Variants in C8A observed in about 807,000 individuals in gnomAD.
C8A encodes complement component C8 alpha chain.
A neutral mutation model predicts 65.3 loss-of-function variants in C8A; 67 were observed. The observed-to-expected ratio is 1.03, with a 90% CI of 0.84 to 1.26. The LOEUF (loss-of-function observed/expected upper bound fraction) is 1.26, where lower values mean the gene tolerates loss of function less well. Among genes scored for constraint, C8A ranks in the 50% most tolerant of loss-of-function variants. The probability of loss-of-function intolerance (pLI) is 0.00; values close to 1 mark genes in which losing one functional copy is unlikely to be tolerated. For synonymous variants in C8A, 290 were observed against 259.4 expected (o/e 1.12, Z -1.13); for missense variants, 781 against 723.9 (o/e 1.08, Z -0.90).
intron 4 of C8A, 32 bp downstream of exon 4, chr1:56,876,241 A>C (rs1294444036): frequency 1.2e-6 from 2 of 1,613,262 alleles, no homozygotes; most frequent in Non-Finnish European, 1.7e-6. Context: ...ATTTAGGAGC[A>C]GGGAATGATT....
chr1:56,864,892 C>G (rs1644069878), intron 1 of C8A, among the ~76,000 whole-genome samples: 1 of 152,080 alleles, frequency 6.6e-6, no homozygotes, highest in South Asian at 2.1e-4. Context: ...ATTATTTTCC[C>G]CTTTTACTGT....
chr1:56,868,873 T>A (rs928733605), intron 2 of C8A, among the ~76,000 whole-genome samples: 7 of 152,304 alleles, frequency 4.6e-5, no homozygotes, highest in Middle Eastern at 3.4e-3. Context: ...TCTTTGTGCC[T>A]CAGTTTCATT....
intron 2 of C8A, 114 bp downstream of exon 2, chr1:56,867,816 A>G: frequency 1.3e-6 from 1 of 789,552 alleles, no homozygotes; most frequent in Non-Finnish European, 2.2e-6. Flanking sequence ...AATTGGGTCT[A>G]GAAATTGTTG....
At chr1:56,897,274 G>T (rs1644393817) in intron 7 of C8A, among the ~76,000 whole-genome samples, 1 of 152,170 alleles carries the variant, frequency 6.6e-6, no homozygotes, top group Admixed American at 6.6e-5. Context: ...AAACTGAAAA[G>T]CATGAGATTG....
chr1:56,869,045 G>A (rs1042530903), intron 2 of C8A, among the ~76,000 whole-genome samples: 2 of 152,090 alleles, frequency 1.3e-5, no homozygotes, highest in African/African-American at 2.4e-5. Context: ...TTTCAATAGT[G>A]TTTGGGAAAC....
intron 9 of C8A, among the ~76,000 whole-genome samples, chr1:56,912,119 A>G (rs553290690): frequency 6.6e-6 from 1 of 152,300 alleles, no homozygotes; most frequent in East Asian, 1.9e-4. Flanking sequence ...GGGACTTTTA[A>G]CTGCCCCTCT....
At position 56,876,077 on chromosome 1, in the gene C8A, G is replaced by A. The variant is rs753968787; in HGVS notation, c.332G>A (p.Arg111His). ...TTCTCTCCAGGTCGCTGCCTGAAAC[G>A]CCACCTTGTGTGTAATGGAGACCAG... ...QCKETGRCLK[R>H]HLVCNGDQDC... is the part of the protein sequence containing the mutation. Residue 111 changes from arginine (R) to histidine (H), a missense_variant, in exon 4 of 11, where the codon CGC becomes CAC. By Grantham distance (29) the Arg-to-His change is conservative (BLOSUM62 0). Coordinates refer to ENST00000361249, the MANE Select transcript of C8A (RefSeq NM_000562.3). The A allele has an allele frequency of 9.9e-6, 16 of 1,613,642 alleles. No individual in the cohort carries two copies. The highest frequency in any genetic ancestry group is 6.6e-5 in the South Asian group (6 of 91,066).
intron 4 of C8A, among the ~76,000 whole-genome samples, chr1:56,877,985 T>C (rs1431149987): frequency 1.3e-5 from 2 of 152,162 alleles, no homozygotes; most frequent in African/African-American, 4.8e-5. Context: ...AAACACCACA[T>C]CCTGAGTGGC....
At position 56,875,061 on chromosome 1, in the gene C8A, A is replaced by C. The variant is rs779209088; in HGVS notation, c.284A>C (p.Gln95Pro). 3.1e-6 allele frequency: 5 copies of C among 1,613,584 alleles called. No homozygotes were observed. The highest frequency in any genetic ancestry group is 4.2e-6 in the Non-Finnish European group (5 of 1,179,764). The change falls in exon 3 of 11, where the codon CAG (glutamine) becomes CCG (proline). Residue 95 changes from glutamine (Q) to proline (P), a missense_variant. Coordinates refer to ENST00000361249, the MANE Select transcript of C8A (RefSeq NM_000562.3). ...SSSTTCVRQA[Q>P]CGQDFQCKET... is the part of the protein sequence containing the mutation. ...TCTACAACTTGTGTAAGGCAAGCACAGTGTGGACAGGATTTCCAGTGTAAG... is the reference window on the plus strand; with the variant it reads ...TCTACAACTTGTGTAAGGCAAGCACCGTGTGGACAGGATTTCCAGTGTAAG...
chr1:56,893,891 T>G (rs1033438367), intron 7 of C8A, among the ~76,000 whole-genome samples: 4 of 152,162 alleles, frequency 2.6e-5, no homozygotes, highest in Non-Finnish European at 5.9e-5. Context: ...GACAAATTAG[T>G]TTACCTCACT....
chr1:56,901,399 T>C (rs996964719), intron 7 of C8A, among the ~76,000 whole-genome samples: 3 of 152,178 alleles, frequency 2.0e-5, no homozygotes, highest in Non-Finnish European at 4.4e-5. Flanking sequence ...GCTGCCTGGT[T>C]CTGCCTGAGA....
chr1:56,912,520 G>A lies in C8A; in HGVS notation c.1498G>A (p.Gly500Arg), dbSNP rs202042786. 13 of 1,614,160 alleles carry A rather than the reference G, an allele frequency of 8.1e-6. No individual in the cohort carries two copies. The East Asian group carries it at 2.2e-4, about 28-fold the overall frequency. ...GATGGAATTCAATGCCTGCCGATGT[G>A]GGCCTTGCTTCAACAATGGGGTGCC... ...YLMEFNACRCGPCFNNGVPIL... is the reference protein window; with the variant it reads ...YLMEFNACRCRPCFNNGVPIL... The change falls in exon 10 of 11, where the codon GGG becomes AGG. Residue 500 changes from glycine (G) to arginine (R), a missense_variant. Coordinates refer to ENST00000361249, the MANE Select transcript of C8A (RefSeq NM_000562.3).
chr1:56,885,320 ATT>A lies in C8A; in HGVS notation c.856-605_856-604del, dbSNP rs1491563089. Among the ~76,000 whole-genome samples, 417 of 123,038 alleles carry A rather than the reference ATT, an allele frequency of 3.4e-3. 24 individuals are homozygous for A. The highest frequency in any genetic ancestry group is 0.012 in the African/African-American group (330 of 26,462). 80.7% of individuals were successfully genotyped at this position (123,038 alleles called of 152,430 possible). A position where few individuals can be genotyped will look rare whatever the true frequency, so the allele number is the denominator to read the frequency against. ...TATTTATATATATTTACATAAATAT[ATT>A]TATTTAAATATATATTTACATAAAT... On this transcript the variant is annotated intron_variant, in intron 6 of 10. Transcript: ENST00000361249.
intron 10 of C8A, among the ~76,000 whole-genome samples, chr1:56,914,278 G>C (rs1644533866): frequency 2.0e-5 from 3 of 152,092 alleles, no homozygotes; most frequent in Admixed American, 2.0e-4. Flanking sequence ...TCTTCTGCAT[G>C]TACTGCAGCA....
chr1:56,892,570 C>A (rs1003944290), intron 7 of C8A, among the ~76,000 whole-genome samples: 1 of 152,088 alleles, frequency 6.6e-6, no homozygotes, highest in African/African-American at 2.4e-5. Flanking sequence ...TCCTCCGTAT[C>A]CACAATCCAT....
chr1:56,917,704 G>A lies in C8A; in HGVS notation c.1743G>A (p.Thr581=), dbSNP rs1342439. 39 of 1,614,012 alleles carry A rather than the reference G, an allele frequency of 2.4e-5. No individual in the cohort carries two copies. The highest frequency in any genetic ancestry group is 1.7e-4 in the Middle Eastern group (1 of 6,038). Residue 581 remains threonine, a synonymous_variant, in exon 11 of 11, where the codon ACG becomes ACA. Transcript: ENST00000361249. ...GASCPGRKVQ[T]QAC ...CGTGTCCAGGGCGGAAAGTACAGACGCAGGCTTGCTGAGGGCCTCTGGACA... is the reference window on the plus strand; with the variant it reads ...CGTGTCCAGGGCGGAAAGTACAGACACAGGCTTGCTGAGGGCCTCTGGACA...
intron 1 of C8A, among the ~76,000 whole-genome samples, chr1:56,867,182 A>G (rs1891420): frequency 0.056 from 8,507 of 152,230 alleles, 267 homozygotes; most frequent in South Asian, 0.13. Context: ...TTTTTAATGT[A>G]GTTTTATAGA....
At chr1:56,885,287 T>TAAATATATATTTATATATATTTACAC (rs1644281027) in intron 6 of C8A, among the ~76,000 whole-genome samples, 4 of 139,924 alleles carry the variant, frequency 2.9e-5, no homozygotes, top group African/African-American at 1.1e-4. Flanking sequence ...TATATTTACA[T>TAAATATATATTTATATATATTTACAC]AAATATATAT....
chr1:56,870,583 C>T (rs960854960), intron 2 of C8A, among the ~76,000 whole-genome samples: 5 of 151,390 alleles, frequency 3.3e-5, no homozygotes, highest in African/African-American at 7.3e-5. Flanking sequence ...CTGCAATGGC[C>T]GGCTTTCCAA....
Sources: gnomAD v4.1 joint callset for allele counts (sites outside exome capture counted in the v4.1 genomes callset) on GRCh38, gnomAD v4.1.1 for gene constraint, MANE v1.5 for transcripts, NCBI Gene and HGNC (gene_info 2026-07-23, HGNC 2026-07-21) for gene names.